The following IQCE variants were observed in gnomAD, a reference collection of about 807,000 sequenced individuals.
The protein encoded by IQCE is IQ domain-containing protein E.
A neutral mutation model predicts 96.0 loss-of-function variants in IQCE; 115 were observed. The observed-to-expected ratio is 1.20, with a 90% CI of 1.03 to 1.40. IQCE has a LOEUF of 1.40. Among genes scored for constraint, IQCE ranks in the 40% most tolerant of loss-of-function variants. IQCE has a pLI of 0.00. For synonymous variants in IQCE, 412 were observed against 371.2 expected, an observed-to-expected ratio of 1.11 and a Z score of -1.26; for missense variants, 1,041 against 909.1, an observed-to-expected ratio of 1.15 and a Z score of -1.87.
rs189128775 is a variant in IQCE at position 2,609,106 on chromosome 7, C to T, written c.1970-938C>T. The stretch of plus-strand genomic sequence containing the variant: ...GGGCTGCTGCTGTGGTAGGACCCGT[C>T]CCTTCTTCAGCTCTGGTACCCACCT... On this transcript the variant is annotated intron_variant, in intron 21 of 21. Transcript: ENST00000402050. 2.8e-4 allele frequency among the ~76,000 whole-genome samples: 43 copies of T among 152,296 alleles called. No individual in the cohort carries two copies. The East Asian group carries it at 6.9e-3, about 25-fold the overall frequency.
intron 18 of IQCE, chr7:2,601,668 G>A (rs1784443114): frequency 3.8e-6 from 2 of 530,334 alleles, no homozygotes; most frequent in East Asian, 3.5e-5. Flanking sequence ...TCCTGCCTCA[G>A]CCTCCCTAGT....
intron 21 of IQCE, among the ~76,000 whole-genome samples, chr7:2,608,180 G>A (rs1021301013): frequency 6.6e-6 from 1 of 152,226 alleles, no homozygotes; most frequent in Non-Finnish European, 1.5e-5. Flanking sequence ...CCAGGGAGCC[G>A]GCAGCCCCCC....
At chr7:2,591,085 C>T (rs577127695) in intron 14 of IQCE, among the ~76,000 whole-genome samples, 36 of 152,040 alleles carry the variant, frequency 2.4e-4, no homozygotes, top group African/African-American at 8.2e-4. Flanking sequence ...AAACCTCGTC[C>T]CTACAAAAAA....
chr7:2,593,845 T>C (rs1056849811), intron 15 of IQCE, among the ~76,000 whole-genome samples: 2 of 152,250 alleles, frequency 1.3e-5, no homozygotes, highest in Non-Finnish European at 2.9e-5. Context: ...AATTATACCC[T>C]TTAAAATAGT....
At chr7:2,568,008 C>T (rs947528067) in intron 2 of IQCE, among the ~76,000 whole-genome samples, 2 of 152,172 alleles carry the variant, frequency 1.3e-5, no homozygotes, top group South Asian at 2.1e-4. Context: ...AGTGAGGAGA[C>T]CTGGCCGCGG....
At chr7:2,569,815 A>G (rs1036539066) in intron 3 of IQCE, among the ~76,000 whole-genome samples, 2 of 152,206 alleles carry the variant, frequency 1.3e-5, no homozygotes, top group Non-Finnish European at 2.9e-5. Flanking sequence ...AAACTTTGCT[A>G]CTAGCCCAAG....
Position 2,578,522 on chromosome 7 carries a change from G to T in IQCE, c.626G>T (p.Ser209Ile). 6.2e-7 allele frequency: 1 copy of T among 1,614,202 alleles called. No individual in the cohort carries two copies. Among genetic ancestry groups the T allele is most frequent in the Non-Finnish European group, 8.5e-7 (1 of 1,180,024 alleles). Residue 209 changes from serine to isoleucine, a missense_variant, in exon 8 of 22, where the codon AGT becomes ATT. Physicochemically the swap from Ser to Ile is moderately radical, Grantham distance 142 (BLOSUM62 -2). Coordinates refer to ENST00000402050, the MANE Select transcript of IQCE (RefSeq NM_152558.5). ...RTLAEKRPDA[S>I]WVINGLKQRI... ...CTGGCAGAGAAAAGGCCCGATGCCAGTTGGGTGAGTATGGTGTGTGCAGGA... is the reference window on the plus strand; with the variant it reads ...CTGGCAGAGAAAAGGCCCGATGCCATTTGGGTGAGTATGGTGTGTGCAGGA...
intron 21 of IQCE, among the ~76,000 whole-genome samples, chr7:2,608,397 TA>T (rs1233228309): frequency 6.6e-6 from 1 of 152,258 alleles, no homozygotes; most frequent in Non-Finnish European, 1.5e-5. Context: ...CTAAGAACCG[TA>T]TACCACGTTT....
intron 9 of IQCE, among the ~76,000 whole-genome samples, chr7:2,583,385 T>G (rs1167709173): frequency 3.9e-5 from 6 of 152,168 alleles, no homozygotes; most frequent in Non-Finnish European, 8.8e-5. Context: ...CTGGAAAAGC[T>G]GTTTACTCAC....
At position 2,584,379 on chromosome 7, in the gene IQCE, A is replaced by G. The variant is rs552741429; in HGVS notation, c.824+94A>G. On this transcript the variant is annotated intron_variant, in intron 11 of 21. Transcript: ENST00000402050. ...TGTGGCTGTCACGTGGGTGCGGCAT[A>G]TACTGCCCTTAGCTTGGCAGTGCTG... 1.5e-4 allele frequency: 170 copies of G among 1,161,528 alleles called. 3 individuals carry two copies. The South Asian group carries it at 1.9e-3, about 13-fold the overall frequency. The allele number at this position is 1,161,528 out of a possible 1,614,324, so 72.0% of individuals were successfully genotyped here.
At position 2,611,442 on chromosome 7, in the gene IQCE, T is replaced by C. The variant is rs1010858759; in HGVS notation, c.*1280T>C. The C allele has an allele frequency of 6.6e-6, 1 of 152,250 alleles. No individual in the cohort carries two copies. Among genetic ancestry groups the C allele is most frequent in the Non-Finnish European group, 1.5e-5 (1 of 68,068 alleles). 9.4% of individuals were successfully genotyped at this position (152,250 alleles called of 1,614,324 possible). ...CCCTTTTTACACAGCTGACAGCTTC[T>C]CCCAAGGCTTCCGTCCACGGGGACA... On this transcript the variant is annotated 3_prime_UTR_variant, in exon 22 of 22. Coordinates refer to ENST00000402050, the MANE Select transcript of IQCE (RefSeq NM_152558.5).
At chr7:2,563,410 TG>T (rs1781122172) in intron 1 of IQCE, among the ~76,000 whole-genome samples, 3 of 151,504 alleles carry the variant, frequency 2.0e-5, no homozygotes, top group East Asian at 3.9e-4. Context: ...TGTGTGTGTG[TG>T]TACAGGGTTT....
chr7:2,575,669 G>A (rs535079102), intron 6 of IQCE, among the ~76,000 whole-genome samples: 1 of 152,166 alleles, frequency 6.6e-6, no homozygotes, highest in Non-Finnish European at 1.5e-5. Flanking sequence ...CCTGCCTGTC[G>A]GTTTCTGCCT....
rs1784223286 is a variant in IQCE, at chr7:2,598,566, C to A, written c.1542C>A (p.Cys514Ter). ...GGCTCCCGCGGCCCCGCTCCCCCTG[C>A]TCTGATGGGAGAAGAGACGCCGCGG... ...EEGLPRPRSP[C>*]SDGRRDAAAR... Residue 514 changes from cysteine (C) to a stop codon, truncating the protein, a stop_gained, in exon 17 of 22, where the codon TGC (cysteine) becomes TGA (stop). Coordinates refer to ENST00000402050, the MANE Select transcript of IQCE (RefSeq NM_152558.5). LOFTEE classifies it high-confidence loss of function. The A allele has an allele frequency of 6.2e-7, 1 of 1,610,206 alleles. No homozygotes were observed. The highest frequency in any genetic ancestry group is 1.3e-5 in the African/African-American group (1 of 74,712).
At position 2,562,558 on chromosome 7, in the gene IQCE, T is replaced by C. The variant is rs150591952; in HGVS notation, c.36+3341T>C. On this transcript the variant is annotated intron_variant, in intron 1 of 21. Transcript: ENST00000402050. ...CAGCGAGACCATGTGGTTCTGGGTGTTTCTTTACTTCTATAAGGTCAGTAG... is the reference window on the plus strand; with the variant it reads ...CAGCGAGACCATGTGGTTCTGGGTGCTTCTTTACTTCTATAAGGTCAGTAG... Among the ~76,000 whole-genome samples, 497 of 151,896 alleles carry C rather than the reference T, an allele frequency of 3.3e-3. 2 individuals carry two copies. Among genetic ancestry groups the C allele is most frequent in the African/African-American group, 0.011 (468 of 41,522 alleles).
At chr7:2,575,606 T>A (rs1190481017) in intron 6 of IQCE, among the ~76,000 whole-genome samples, 1 of 152,140 alleles carries the variant, frequency 6.6e-6, no homozygotes, top group South Asian at 2.1e-4. Context: ...ACACAGCCTG[T>A]GCTGTGGGGA....
intron 5 of IQCE, among the ~76,000 whole-genome samples, chr7:2,573,013 T>G (rs923933117): frequency 3.9e-5 from 6 of 152,256 alleles, no homozygotes; most frequent in African/African-American, 1.4e-4. Flanking sequence ...TAGGTATCAT[T>G]AAAACCAAAG....
chr7:2,598,413 G>T, intron 16 of IQCE, 52 bp from the exon 17 acceptor site: 1 of 1,497,940 alleles, frequency 6.7e-7, no homozygotes, highest in South Asian at 1.3e-5. Flanking sequence ...GCCGGATACT[G>T]GTTGTCCCTG....
chr7:2,594,322 AGACTT>A (rs1455618875), intron 15 of IQCE, among the ~76,000 whole-genome samples: 1 of 152,258 alleles, frequency 6.6e-6, no homozygotes, highest in Non-Finnish European at 1.5e-5. Flanking sequence ...TTCTGTCAGA[AGACTT>A]GAATTAAAGT....
Sources: gnomAD v4.1 joint callset for allele counts (sites outside exome capture counted in the v4.1 genomes callset) on GRCh38, gnomAD v4.1.1 for gene constraint, MANE v1.5 for transcripts, NCBI Gene and HGNC (gene_info 2026-07-23, HGNC 2026-07-21) for gene names.